The following TASP1 variants were observed in gnomAD, a reference collection of about 807,000 sequenced individuals.
TASP1 encodes threonine aspartase 1.
TASP1 carries 16 observed loss-of-function variants against 56.6 expected under a neutral mutation model. The ratio of observed to expected loss-of-function variants is 0.28; its 90% CI spans 0.19 to 0.43. The LOEUF (loss-of-function observed/expected upper bound fraction) is 0.43. Among genes scored for constraint, TASP1 ranks in the 20% least tolerant of loss-of-function variants. The pLI is 1.00. For missense variants in TASP1, 393 were observed against 511.6 expected (o/e 0.77, Z 2.24); for synonymous variants, 179 against 184.2 (o/e 0.97, Z 0.23).
At chr20:13,521,941 G>A (rs947948849) in intron 10 of TASP1, among the ~76,000 whole-genome samples, 9 of 152,110 alleles carry the variant, frequency 5.9e-5, no homozygotes, top group African/African-American at 2.2e-4. Flanking sequence ...TATATAGGAT[G>A]GCTGCAGAAG....
chr20:13,106,879 C>T, the TASP1 span, among the ~76,000 whole-genome samples: 27 of 152,286 alleles, frequency 1.8e-4, no homozygotes, highest in South Asian at 4.2e-4. Flanking sequence ...CTCTGTATTC[C>T]GTTAGCCAAA....
At chr20:13,432,383 G>T (rs1384479093) in intron 12 of TASP1, among the ~76,000 whole-genome samples, 2 of 152,150 alleles carry the variant, frequency 1.3e-5, no homozygotes, top group East Asian at 3.9e-4. Flanking sequence ...AAGACTGACT[G>T]GTGGCTCTGG....
chr20:13,454,110 T>C (rs1284036234), intron 11 of TASP1, among the ~76,000 whole-genome samples: 2 of 150,748 alleles, frequency 1.3e-5, no homozygotes, highest in Non-Finnish European at 1.5e-5. Context: ...GAAAGTGACC[T>C]GGGATGATGT....
chr20:13,214,603 A>G, the TASP1 span, among the ~76,000 whole-genome samples: 2 of 152,088 alleles, frequency 1.3e-5, no homozygotes, highest in African/African-American at 4.8e-5. Context: ...AAAGACAGAG[A>G]CAGAGAGAGA....
At chr20:13,162,666 G>A in the TASP1 span, among the ~76,000 whole-genome samples, 2 of 152,174 alleles carry the variant, frequency 1.3e-5, no homozygotes, top group Non-Finnish European at 2.9e-5. Context: ...ACTGACATGT[G>A]TGACAGTTGC....
chr20:13,111,548 C>A, the TASP1 span, among the ~76,000 whole-genome samples: 4 of 152,216 alleles, frequency 2.6e-5, no homozygotes, highest in Non-Finnish European at 5.9e-5. Flanking sequence ...GTATAACTGA[C>A]AACTCGTAGG....
chr20:13,287,907 G>T, the TASP1 span, among the ~76,000 whole-genome samples: 3 of 152,146 alleles, frequency 2.0e-5, no homozygotes, highest in East Asian at 3.9e-4. Context: ...AGGGCCACTG[G>T]GTAGGTACTC....
the TASP1 span, among the ~76,000 whole-genome samples, chr20:13,377,534 C>T: frequency 9.9e-5 from 15 of 152,120 alleles, no homozygotes. Context: ...CTGAAATTTT[C>T]TTTTTTTGTG....
the TASP1 span, chr20:13,270,715 A>C: frequency 6.2e-7 from 1 of 1,613,918 alleles, no homozygotes; most frequent in East Asian, 2.2e-5. Flanking sequence ...TCCAAAGCTG[A>C]TATCAATGGG....
At chr20:13,120,449 A>G in the TASP1 span, among the ~76,000 whole-genome samples, 2 of 152,360 alleles carry the variant, frequency 1.3e-5, no homozygotes, top group South Asian at 2.1e-4. Context: ...GGTTCTCAGT[A>G]AACCCTGAAA....
rs555210201 is a variant in TASP1, at chr20:13,444,339, A to T, written c.986-9185T>A. On this transcript the variant is annotated intron_variant, in intron 11 of 13. Transcript: ENST00000337743. ...TTTAATAAAGAATTTCTGTCCTTTC[A>T]ATGAATTTCTGTGCATTGCTTTTTT... Among the ~76,000 whole-genome samples, 42 of 152,280 alleles carry T rather than the reference A, an allele frequency of 2.8e-4. No individual in the cohort carries two copies. The South Asian group carries it at 8.5e-3, about 31-fold the overall frequency.
chr20:13,336,109 A>G, the TASP1 span, among the ~76,000 whole-genome samples: 1 of 152,160 alleles, frequency 6.6e-6, no homozygotes, highest in African/African-American at 2.4e-5. Flanking sequence ...AAAAGAATAC[A>G]AATCCAAAAG....
the TASP1 span, among the ~76,000 whole-genome samples, chr20:13,141,609 G>A: frequency 2.6e-5 from 4 of 152,134 alleles, no homozygotes; most frequent in Admixed American, 1.3e-4. Flanking sequence ...TGAGGGCCCC[G>A]GCATTCAAGG....
At chr20:13,343,996 T>A in the TASP1 span, among the ~76,000 whole-genome samples, 1 of 152,086 alleles carries the variant, frequency 6.6e-6, no homozygotes, top group African/African-American at 2.4e-5. Context: ...CACTGAGGAA[T>A]GCTCTCACTG....
At chr20:13,239,417 G>C in the TASP1 span, 1 of 152,216 alleles carries the variant, frequency 6.6e-6, no homozygotes, top group Non-Finnish European at 1.5e-5. Context: ...TCCATCTGCA[G>C]GGTCCTCCCT....
At chr20:13,514,080 A>T (rs148429542) in intron 10 of TASP1, among the ~76,000 whole-genome samples, 1 of 152,268 alleles carries the variant, frequency 6.6e-6, no homozygotes, top group African/African-American at 2.4e-5. Context: ...TGTGCAGCAA[A>T]TCTTCAAATC....
chr20:13,437,260 C>T lies in TASP1; in HGVS notation c.986-2106G>A, dbSNP rs6079068. 7.9e-3 allele frequency among the ~76,000 whole-genome samples: 1,210 copies of T among 152,250 alleles called. 9 individuals are homozygous for T. The highest frequency in any genetic ancestry group is 0.013 in the Non-Finnish European group (891 of 68,012). ...TAAACAGAACCAATGACAAAAACCA[C>T]ATGATTATCTCAATAGATGCAGAAA... On this transcript the variant is annotated intron_variant, in intron 11 of 13. Coordinates refer to ENST00000337743, the MANE Select transcript of TASP1 (RefSeq NM_017714.3).
chr20:13,191,546 A>C, the TASP1 span, among the ~76,000 whole-genome samples: 1 of 152,234 alleles, frequency 6.6e-6, no homozygotes, highest in Non-Finnish European at 1.5e-5. Flanking sequence ...CGTTGGTTAC[A>C]TAGAAGTAGA....
At chr20:13,391,809 T>C (rs2041294320) in intron 13 of TASP1, among the ~76,000 whole-genome samples, 1 of 150,468 alleles carries the variant, frequency 6.6e-6, no homozygotes, top group Non-Finnish European at 1.5e-5. Context: ...CTACTAAAAA[T>C]GCAAAAAAAT....
Sources: gnomAD v4.1 joint callset for allele counts (sites outside exome capture counted in the v4.1 genomes callset) on GRCh38, gnomAD v4.1.1 for gene constraint, MANE v1.5 for transcripts, NCBI Gene and HGNC (gene_info 2026-07-23, HGNC 2026-07-21) for gene names.